Variants in ANAPC10 observed in about 807,000 individuals in gnomAD.
ANAPC10 encodes anaphase-promoting complex subunit 10.
Under a neutral mutation model 22.0 loss-of-function variants are expected in ANAPC10, and 12 were observed. The ratio of observed to expected loss-of-function variants is 0.55; its 90% confidence interval spans 0.35 to 0.88. The LOEUF (loss-of-function observed/expected upper bound fraction) is 0.88. Ranked by LOEUF, ANAPC10 falls within the 40% of genes least tolerant of loss-of-function variation. ANAPC10 has a pLI of 0.01. For missense variants in ANAPC10, 188 were observed against 220.9 expected, an observed-to-expected ratio of 0.85 and a Z score of 0.94; for synonymous variants, 65 against 69.5, an observed-to-expected ratio of 0.94 and a Z score of 0.32.
intron 4 of ANAPC10, among the ~76,000 whole-genome samples, chr4:145,050,689 CT>C (rs1740977653): frequency 6.6e-6 from 1 of 152,234 alleles, no homozygotes; most frequent in South Asian, 2.1e-4. Flanking sequence ...TCACCTGGCT[CT>C]TTTATGTTAT....
At chr4:145,031,227 C>G (rs1360618925) in intron 4 of ANAPC10, among the ~76,000 whole-genome samples, 1 of 152,326 alleles carries the variant, frequency 6.6e-6, no homozygotes, top group East Asian at 1.9e-4. Context: ...CACAAGATAT[C>G]ACACTGGTCC....
intron 4 of ANAPC10, among the ~76,000 whole-genome samples, chr4:145,038,736 C>T (rs990820590): frequency 2.7e-5 from 4 of 149,364 alleles, no homozygotes; most frequent in African/African-American, 7.4e-5. Flanking sequence ...GCAGGAGAAT[C>T]GCTTTAACCT....
At chr4:145,059,311 A>G (rs967068405) in intron 4 of ANAPC10, among the ~76,000 whole-genome samples, 2 of 152,144 alleles carry the variant, frequency 1.3e-5, no homozygotes, top group African/African-American at 4.8e-5. Flanking sequence ...ATATGGACTC[A>G]CATGGTTGTG....
chr4:145,096,445 G>T (rs1437276286), intron 1 of ANAPC10, among the ~76,000 whole-genome samples: 3 of 152,142 alleles, frequency 2.0e-5, no homozygotes, highest in Admixed American at 2.0e-4. Flanking sequence ...CATATGACCA[G>T]ATATGCAAAG....
In ANAPC10 at chr4:145,098,188, G is replaced by C. The variant is rs35596291; in HGVS notation, c.-81C>G. On this transcript the variant is annotated 5_prime_UTR_variant, in exon 1 of 5. Coordinates refer to ENST00000507656, the MANE Select transcript of ANAPC10 (RefSeq NM_001256706.2). ...CCTCCAGCAGCTGGCTTCGCCAACG[G>C]CGTTGAACAAGGGTCGCAGCTCAAT... The C allele has an allele frequency of 2.2e-4, 34 of 152,774 alleles. No homozygotes were observed. The highest frequency in any genetic ancestry group is 8.2e-4 in the African/African-American group (34 of 41,598). The allele number at this position is 152,774 out of a possible 1,614,324, so 9.5% of individuals were successfully genotyped here.
intron 2 of ANAPC10, among the ~76,000 whole-genome samples, chr4:145,083,839 T>A (rs950828069): frequency 1.1e-4 from 17 of 152,234 alleles, no homozygotes; most frequent in African/African-American, 4.1e-4. Flanking sequence ...AAATATTTAC[T>A]CACCTGATAG....
chr4:145,062,808 T>C (rs1743100414), intron 4 of ANAPC10, among the ~76,000 whole-genome samples: 1 of 152,130 alleles, frequency 6.6e-6, no homozygotes, highest in Non-Finnish European at 1.5e-5. Flanking sequence ...GTGGGGTATA[T>C]ATACCCAATG....
chr4:145,082,890 G>A (rs1746282803), intron 2 of ANAPC10, among the ~76,000 whole-genome samples: 1 of 152,044 alleles, frequency 6.6e-6, no homozygotes, highest in African/African-American at 2.4e-5. Context: ...AAATCCAAAA[G>A]GAACAAGACA....
rs1184138152 is a variant in ANAPC10, at chr4:145,010,461, G to T, written c.328-14858C>A. On this transcript the variant is annotated intron_variant, in intron 4 of 4. Coordinates refer to ENST00000507656, the MANE Select transcript of ANAPC10 (RefSeq NM_001256706.2). ...GTGATAGACTGGATTAAGAAAATGT[G>T]GCACATATACACCATGGAATACTAT... Among the ~76,000 whole-genome samples, 14 of 152,102 alleles carry T rather than the reference G, an allele frequency of 9.2e-5. 2 individuals carry two copies. In the East Asian group the frequency reaches 2.7e-3, roughly 29 times the overall value.
At chr4:145,040,378 C>G (rs551201471) in intron 4 of ANAPC10, among the ~76,000 whole-genome samples, 3 of 152,264 alleles carry the variant, frequency 2.0e-5, no homozygotes, top group Admixed American at 2.0e-4. Context: ...GAACTCCTGA[C>G]CTCAGGTGAT....
chr4:145,014,321 C>G (rs1159147730), intron 4 of ANAPC10, among the ~76,000 whole-genome samples: 1 of 151,920 alleles, frequency 6.6e-6, no homozygotes. Context: ...CTGGCTTTCC[C>G]CCACTTCCCT....
At chr4:145,089,789 C>T (rs1747402549) in intron 2 of ANAPC10, among the ~76,000 whole-genome samples, 1 of 152,092 alleles carries the variant, frequency 6.6e-6, no homozygotes, top group South Asian at 2.1e-4. Context: ...TAAAATTCTC[C>T]TTTATATCAC....
At position 145,031,477 on chromosome 4, in the gene ANAPC10, C is replaced by T. The variant is rs370744555; in HGVS notation, c.327+33095G>A. ...CCCTCCTACAACCAAGAAAGAGGCACGACACCTAGTGGGTCTAATTGGATT... is the reference window on the plus strand; with the variant it reads ...CCCTCCTACAACCAAGAAAGAGGCATGACACCTAGTGGGTCTAATTGGATT... On this transcript the variant is annotated intron_variant, in intron 4 of 4. Coordinates refer to ENST00000507656, the MANE Select transcript of ANAPC10 (RefSeq NM_001256706.2). Among the ~76,000 whole-genome samples the T allele has an allele frequency of 1.1e-4, 16 of 152,270 alleles. 1 individual carries two copies. Among genetic ancestry groups the T allele is most frequent in the East Asian group, 5.8e-4 (3 of 5,178 alleles).
At chr4:145,087,806 G>A (rs1345591882) in intron 2 of ANAPC10, among the ~76,000 whole-genome samples, 1 of 152,122 alleles carries the variant, frequency 6.6e-6, no homozygotes, top group Admixed American at 6.5e-5. Context: ...CAGCATTTTG[G>A]GAGGCTGAGG....
At chr4:145,054,445 C>A (rs1741625371) in intron 4 of ANAPC10, among the ~76,000 whole-genome samples, 1 of 150,722 alleles carries the variant, frequency 6.6e-6, no homozygotes, top group Non-Finnish European at 1.5e-5. Context: ...GTAGTCCCAG[C>A]TACTTGGGAG....
At chr4:145,096,260 T>A in intron 1 of ANAPC10, 149 bp from the exon 2 acceptor site, 1 of 897,442 alleles carries the variant, frequency 1.1e-6, no homozygotes, top group Non-Finnish European at 1.6e-6. Context: ...TAAATCACTG[T>A]AATTTAAATC....
chr4:145,001,235 G>GGAGT (rs1186054292), intron 4 of ANAPC10, among the ~76,000 whole-genome samples: 3 of 127,806 alleles, frequency 2.3e-5, no homozygotes, highest in African/African-American at 8.9e-5. Flanking sequence ...AGGGAAGGAG[G>GGAGT]GAGTGAGGGA....
intron 4 of ANAPC10, among the ~76,000 whole-genome samples, chr4:145,023,577 A>C (rs1481605795): frequency 1.3e-5 from 2 of 152,166 alleles, no homozygotes; most frequent in Non-Finnish European, 2.9e-5. Flanking sequence ...AAGTCACACA[A>C]ATTTTTTGGT....
intron 4 of ANAPC10, among the ~76,000 whole-genome samples, chr4:145,052,793 C>T (rs192305503): frequency 1.1e-4 from 17 of 149,788 alleles, no homozygotes; most frequent in African/African-American, 3.7e-4. Context: ...GAGGCTGAGA[C>T]AGGAGAAGCG....
Sources: gnomAD v4.1 joint callset for allele counts (sites outside exome capture counted in the v4.1 genomes callset) on GRCh38, gnomAD v4.1.1 for gene constraint, MANE v1.5 for transcripts, NCBI Gene and HGNC (gene_info 2026-07-23, HGNC 2026-07-21) for gene names.